SLC35D1: variants seen among roughly 807,000 people sequenced by gnomAD.
SLC35D1 encodes the protein nucleotide sugar transporter SLC35D1.
In SLC35D1, 31 loss-of-function variants were observed where a neutral mutation model predicts 46.7. That is an observed-to-expected ratio of 0.66 (90% CI 0.50 to 0.90). The LOEUF is 0.90. SLC35D1 is among the 40% of genes least tolerant of loss of function. The pLI is 0.00. For missense variants in SLC35D1, 397 were observed against 426.2 expected, an observed-to-expected ratio of 0.93 and a Z score of 0.60; for synonymous variants, 195 against 164.6, an observed-to-expected ratio of 1.18 and a Z score of -1.41.
chr1:67,035,821 T>C (rs1249904322), intron 8 of SLC35D1, among the ~76,000 whole-genome samples: 2 of 148,866 alleles, frequency 1.3e-5, no homozygotes, highest in Non-Finnish European at 3.0e-5. Context: ...TTTTTTTTTT[T>C]GATGTAGGCA....
intron 9 of SLC35D1, among the ~76,000 whole-genome samples, chr1:67,020,773 C>T (rs1027186221): frequency 6.6e-6 from 1 of 152,096 alleles, no homozygotes; most frequent in Non-Finnish European, 1.5e-5. Flanking sequence ...GCTCACAGAC[C>T]CTAAAATGCA....
intron 8 of SLC35D1, among the ~76,000 whole-genome samples, chr1:67,027,673 T>C (rs759728901): frequency 6.6e-6 from 1 of 151,976 alleles, no homozygotes; most frequent in South Asian, 2.1e-4. Context: ...ATTTTATGGG[T>C]TTCCCTCTAT....
At chr1:66,980,694 T>C in the SLC35D1 span, among the ~76,000 whole-genome samples, 1 of 152,158 alleles carries the variant, frequency 6.6e-6, no homozygotes, top group African/African-American at 2.4e-5. Flanking sequence ...TAGAATTTTA[T>C]TGAGTTTCTT....
intron 8 of SLC35D1, 112 bp from the exon 9 acceptor site, chr1:67,021,714 CACAGACACAG>C (rs1351169890): frequency 1.6e-5 from 4 of 244,152 alleles, no homozygotes; most frequent in Admixed American, 1.2e-4. Context: ...CAGACACAGA[CACAGACACAG>C]ACACACACAC....
chr1:67,021,848 A>G (rs530830292), intron 8 of SLC35D1, among the ~76,000 whole-genome samples: 2 of 152,254 alleles, frequency 1.3e-5, no homozygotes, highest in South Asian at 4.2e-4. Flanking sequence ...GTAGTTTCAT[A>G]AGATTTTCTC....
chr1:67,053,705 T>G, intron 1 of SLC35D1, 106 bp downstream of exon 1: 15 of 1,107,484 alleles, frequency 1.4e-5, no homozygotes, highest in South Asian at 2.3e-5. Flanking sequence ...CCGCCCAACT[T>G]TGTTCGGCTT....
At chr1:66,997,517 A>ATATATATATATAT (rs1319900394), downstream of SLC35D1, among the ~76,000 whole-genome samples, 21 of 24,162 alleles carry the variant, frequency 8.7e-4, no homozygotes, top group Admixed American at 1.5e-3. Context: ...AAAAAAAAAA[A>ATATATATATATAT]AAATATATAT....
At position 67,054,043 on chromosome 1, in the gene SLC35D1, G is replaced by C. The variant is rs554051043; in HGVS notation, c.-30C>G. The C allele has an allele frequency of 3.1e-6, 5 of 1,603,440 alleles. 1 individual carries two copies. In the South Asian group the frequency reaches 4.4e-5, roughly 14 times the overall value. On this transcript the variant is annotated 5_prime_UTR_variant, in exon 1 of 12. Transcript: ENST00000235345. ...GCCGCAGCAGCGGTGGCCTGGCGGC[G>C]GGGCCTAGCGGCTCGGGGGCCTGCA...
chr1:66,978,713 G>GT, the SLC35D1 span, among the ~76,000 whole-genome samples: 6 of 152,116 alleles, frequency 3.9e-5, no homozygotes, highest in African/African-American at 1.2e-4. Flanking sequence ...ATCATCAGCA[G>GT]TAACAACATA....
the SLC35D1 span, among the ~76,000 whole-genome samples, chr1:66,991,250 G>C: frequency 6.6e-6 from 1 of 152,146 alleles, no homozygotes; most frequent in African/African-American, 2.4e-5. Flanking sequence ...ATGGAAAACA[G>C]CATCTCCCAT....
At chr1:66,999,211 T>G (rs1667282166), downstream of SLC35D1, 1 of 152,222 alleles carries the variant, frequency 6.6e-6, no homozygotes, top group South Asian at 2.1e-4. Context: ...CACAAGACAC[T>G]GGATATTCAG....
At chr1:67,033,271 A>G (rs937870178) in intron 8 of SLC35D1, among the ~76,000 whole-genome samples, 1 of 151,970 alleles carries the variant, frequency 6.6e-6, no homozygotes, top group African/African-American at 2.4e-5. Flanking sequence ...ATTGTATGGT[A>G]GCTGTATTTT....
At position 67,000,990 on chromosome 1, in the gene SLC35D1, T is replaced by C. The variant is rs1667328751; in HGVS notation, c.*3350A>G. 2 of 152,358 alleles carry C rather than the reference T, an allele frequency of 1.3e-5. No homozygotes were observed. 9.4% of individuals were successfully genotyped at this position (152,358 alleles called of 1,614,324 possible). The stretch of plus-strand genomic sequence containing the variant: ...GTTACAAAATCACGGACTCCTTTCA[T>C]CTGTCTCCTTTCTCCCACTCAGGGT... On this transcript the variant is annotated 3_prime_UTR_variant, in exon 12 of 12. Coordinates refer to ENST00000235345, the MANE Select transcript of SLC35D1 (RefSeq NM_015139.3).
downstream of SLC35D1, among the ~76,000 whole-genome samples, chr1:66,994,371 A>T (rs12143044): frequency 0.22 from 33,092 of 152,162 alleles, 3,956 homozygotes; most frequent in Non-Finnish European, 0.26. Flanking sequence ...CAGGCCAGGC[A>T]CAGTGGCTCA....
At chr1:66,990,366 TCTGA>T in the SLC35D1 span, among the ~76,000 whole-genome samples, 2 of 152,084 alleles carry the variant, frequency 1.3e-5, no homozygotes, top group Non-Finnish European at 2.9e-5. Context: ...CCTCAACCTC[TCTGA>T]CTGAAGGGAA....
chr1:67,032,409 G>A (rs1009371120), intron 8 of SLC35D1, among the ~76,000 whole-genome samples: 1 of 151,934 alleles, frequency 6.6e-6, no homozygotes, highest in Non-Finnish European at 1.5e-5. Flanking sequence ...GGCTGGGCTC[G>A]GTGGCTCACA....
chr1:66,985,085 G>A, the SLC35D1 span: 1 of 1,326,558 alleles, frequency 7.5e-7, no homozygotes, highest in Non-Finnish European at 9.7e-7. Flanking sequence ...AAAGCTGTCA[G>A]ACTCTTTTAA....
the SLC35D1 span, chr1:66,985,170 C>G: frequency 1.0e-6 from 1 of 996,356 alleles, no homozygotes; most frequent in Non-Finnish European, 1.2e-6. Context: ...ATCTTTAGTT[C>G]ATTCAGATTT....
intron 7 of SLC35D1, among the ~76,000 whole-genome samples, chr1:67,043,216 C>T (rs990341778): frequency 1.3e-5 from 2 of 151,232 alleles, no homozygotes; most frequent in Non-Finnish European, 3.0e-5. Context: ...ACAAAAAAAC[C>T]TAGCCGAGCA....
Sources: gnomAD v4.1 joint callset for allele counts (sites outside exome capture counted in the v4.1 genomes callset) on GRCh38, gnomAD v4.1.1 for gene constraint, MANE v1.5 for transcripts, NCBI Gene and HGNC (gene_info 2026-07-23, HGNC 2026-07-21) for gene names.